ELMO1: variants seen among roughly 807,000 people sequenced by gnomAD.
The protein encoded by ELMO1 is engulfment and cell motility protein 1.
In ELMO1, 26 loss-of-function variants were observed where a neutral mutation model predicts 98.9. The observed-to-expected ratio is 0.26, with a 90% CI of 0.19 to 0.36. The LOEUF (loss-of-function observed/expected upper bound fraction) is 0.36, where lower values mean the gene tolerates loss of function less well. ELMO1 is among the 10% of genes least tolerant of loss of function. ELMO1 has a pLI of 1.00. For synonymous variants in ELMO1, 346 were observed against 346.0 expected (o/e 1.00, Z 0.00); for missense variants, 627 against 935.2 (o/e 0.67, Z 4.30).
chr7:37,055,622 G>A (rs116821425), intron 15 of ELMO1, among the ~76,000 whole-genome samples: 2,712 of 152,218 alleles, frequency 0.018, 89 homozygotes, highest in African/African-American at 0.063. Flanking sequence ...GCCCTCCTGC[G>A]GGTGGAAATC....
intron 16 of ELMO1, among the ~76,000 whole-genome samples, chr7:36,902,751 C>T (rs1783672755): frequency 1.3e-5 from 2 of 152,140 alleles, no homozygotes; most frequent in Non-Finnish European, 2.9e-5. Context: ...AATGAAACTT[C>T]TTGAGCTTGG....
chr7:37,166,910 G>A (rs1178176144), intron 13 of ELMO1, among the ~76,000 whole-genome samples: 9 of 151,972 alleles, frequency 5.9e-5, no homozygotes, highest in Admixed American at 4.6e-4. Flanking sequence ...TTTCTATCTC[G>A]TCGATCTGTC....
chr7:36,985,114 T>G, intron 16 of ELMO1: 1 of 985,318 alleles, frequency 1.0e-6, no homozygotes, highest in Non-Finnish European at 1.2e-6. Context: ...CCAACGAAAT[T>G]GAAAATTTCA....
chr7:37,356,158 T>C (rs995792725), intron 1 of ELMO1, among the ~76,000 whole-genome samples: 1 of 152,162 alleles, frequency 6.6e-6, no homozygotes, highest in Admixed American at 6.5e-5. Flanking sequence ...AAAAACAAAA[T>C]TCCATGGTGT....
At chr7:37,350,140 G>A (rs1381743498) in intron 1 of ELMO1, among the ~76,000 whole-genome samples, 2 of 152,138 alleles carry the variant, frequency 1.3e-5, no homozygotes, top group Non-Finnish European at 2.9e-5. Context: ...AGACAGCCCG[G>A]GGCCTAAGAG....
At chr7:37,292,800 GC>G (rs1160578241) in intron 4 of ELMO1, among the ~76,000 whole-genome samples, 1 of 104,568 alleles carries the variant, frequency 9.6e-6, no homozygotes, top group Non-Finnish European at 2.1e-5. Context: ...GGGGGGGTCA[GC>G]CCCCCGCCCG....
intron 6 of ELMO1, among the ~76,000 whole-genome samples, chr7:37,244,705 C>A (rs1415453706): frequency 6.6e-6 from 1 of 152,076 alleles, no homozygotes; most frequent in Non-Finnish European, 1.5e-5. Flanking sequence ...GGGTGGGGTA[C>A]CCATAGGGAT....
intron 5 of ELMO1, among the ~76,000 whole-genome samples, chr7:37,262,409 A>G (rs1796021018): frequency 6.6e-6 from 1 of 152,202 alleles, no homozygotes; most frequent in Non-Finnish European, 1.5e-5. Context: ...ATAGCAGTAA[A>G]GCCTTCTCCA....
At chr7:36,910,034 C>T (rs73106629) in intron 16 of ELMO1, among the ~76,000 whole-genome samples, 7,533 of 152,166 alleles carry the variant, frequency 0.05, 251 homozygotes, top group Admixed American at 0.1. Context: ...CAGCAGGAAA[C>T]TAGGGGTGAG....
intron 7 of ELMO1, among the ~76,000 whole-genome samples, chr7:37,239,121 C>T (rs1299690038): frequency 1.3e-5 from 2 of 152,048 alleles, no homozygotes; most frequent in Non-Finnish European, 2.9e-5. Flanking sequence ...ATAGAATTCA[C>T]CAGTGTAACC....
intron 1 of ELMO1, among the ~76,000 whole-genome samples, chr7:37,447,638 AC>A (rs148859083): frequency 0.05 from 6,497 of 130,252 alleles, 534 homozygotes; most frequent in African/African-American, 0.18. Flanking sequence ...CACCCACAAC[AC>A]CCCCCCCACA....
At chr7:37,061,390 G>A (rs979401402) in intron 15 of ELMO1, among the ~76,000 whole-genome samples, 2 of 152,168 alleles carry the variant, frequency 1.3e-5, no homozygotes, top group African/African-American at 4.8e-5. Flanking sequence ...AAGCTTTATT[G>A]AAACAAAGAA....
intron 1 of ELMO1, among the ~76,000 whole-genome samples, chr7:37,389,025 T>C (rs1430511015): frequency 1.3e-5 from 2 of 152,234 alleles, no homozygotes. Context: ...ATGGGCTATT[T>C]CAATACTGAA....
intron 1 of ELMO1, among the ~76,000 whole-genome samples, chr7:37,367,979 T>C (rs1801971186): frequency 6.6e-6 from 1 of 152,212 alleles, no homozygotes; most frequent in South Asian, 2.1e-4. Context: ...AAGTCAATCA[T>C]AATTTTTTAA....
chr7:37,365,889 A>C (rs973015047), intron 1 of ELMO1, among the ~76,000 whole-genome samples: 22 of 152,212 alleles, frequency 1.4e-4, no homozygotes, highest in African/African-American at 5.1e-4. Context: ...CAAGTAAGAA[A>C]ATGTAAAATG....
intron 14 of ELMO1, among the ~76,000 whole-genome samples, chr7:37,127,252 A>G (rs1786592060): frequency 6.6e-6 from 1 of 152,238 alleles, no homozygotes; most frequent in South Asian, 2.1e-4. Flanking sequence ...ATCTTTAGAA[A>G]TGGCTTCCTG....
chr7:37,264,556 G>T (rs1796148802), intron 5 of ELMO1, among the ~76,000 whole-genome samples: 1 of 152,166 alleles, frequency 6.6e-6, no homozygotes, highest in African/African-American at 2.4e-5. Context: ...CCTTGGTTCT[G>T]ATTTTTCAAG....
intron 21 of ELMO1, among the ~76,000 whole-genome samples, chr7:36,856,626 G>C (rs1802215006): frequency 6.6e-6 from 1 of 152,206 alleles, no homozygotes; most frequent in Admixed American, 6.5e-5. Flanking sequence ...CTGAGGACCT[G>C]CTTTTCTCTT....
rs187417875 is a variant in ELMO1, at chr7:36,968,491, A to G, written c.1437+44808T>C. Among the ~76,000 whole-genome samples the G allele has an allele frequency of 4.3e-3, 652 of 152,324 alleles. 11 individuals carry two copies. The highest frequency in any genetic ancestry group is 0.015 in the African/African-American group (622 of 41,592). ...TAGCCCATAGTTATTTTGTTTGTGCAGGCATGCGTGTCTGGGTGTACTAAT... is the reference window on the plus strand; with the variant it reads ...TAGCCCATAGTTATTTTGTTTGTGCGGGCATGCGTGTCTGGGTGTACTAAT... On this transcript the variant is annotated intron_variant, in intron 16 of 21. Transcript: ENST00000310758.
Sources: gnomAD v4.1 joint callset for allele counts (sites outside exome capture counted in the v4.1 genomes callset) on GRCh38, gnomAD v4.1.1 for gene constraint, MANE v1.5 for transcripts, NCBI Gene and HGNC (gene_info 2026-07-23, HGNC 2026-07-21) for gene names.